The following CACNA2D3 variants were observed in gnomAD, a reference collection of about 807,000 sequenced individuals.
CACNA2D3 encodes the protein voltage-dependent calcium channel subunit alpha-2/delta-3.
CACNA2D3 carries 60 observed loss-of-function variants against 160.6 expected under a neutral mutation model. The ratio of observed to expected loss-of-function variants is 0.37; its 90% CI spans 0.30 to 0.46. CACNA2D3 has a LOEUF of 0.46. Ranked by LOEUF, CACNA2D3 falls within the 20% of genes least tolerant of loss-of-function variation. The pLI is 1.00. For missense variants in CACNA2D3, 1,205 were observed against 1,365.0 expected (o/e 0.88, Z 1.85); for synonymous variants, 558 against 492.9 (o/e 1.13, Z -1.75).
At chr3:54,805,474 C>T (rs1461165148) in intron 13 of CACNA2D3, among the ~76,000 whole-genome samples, 3 of 152,180 alleles carry the variant, frequency 2.0e-5, no homozygotes, top group East Asian at 3.8e-4. Flanking sequence ...AATTCCTCAA[C>T]ACATACACCC....
At chr3:55,023,341 T>C (rs1359087392) in intron 35 of CACNA2D3, among the ~76,000 whole-genome samples, 3 of 152,192 alleles carry the variant, frequency 2.0e-5, no homozygotes, top group Non-Finnish European at 4.4e-5. Context: ...TTTAAACTCA[T>C]ATTCCAGTTC....
chr3:54,870,280 C>A (rs1010317279), intron 17 of CACNA2D3, among the ~76,000 whole-genome samples: 3 of 152,162 alleles, frequency 2.0e-5, no homozygotes, highest in African/African-American at 7.2e-5. Flanking sequence ...AGTATGGCCT[C>A]AGCACCTGTC....
intron 2 of CACNA2D3, among the ~76,000 whole-genome samples, chr3:54,142,911 GA>G (rs1236749897): frequency 3.9e-4 from 59 of 152,272 alleles, no homozygotes; most frequent in Non-Finnish European, 2.9e-5. Context: ...TTGTATCTGT[GA>G]AAATGATTGT....
At chr3:54,984,533 A>G (rs1575421984) in intron 29 of CACNA2D3, 75 bp from the exon 30 acceptor site, 3 of 822,932 alleles carry the variant, frequency 3.6e-6, no homozygotes, top group South Asian at 3.2e-5. Context: ...GAAGTGTGTC[A>G]TTCTGTTTAA....
At chr3:54,609,933 G>A (rs1211663166) in intron 9 of CACNA2D3, among the ~76,000 whole-genome samples, 1 of 152,168 alleles carries the variant, frequency 6.6e-6, no homozygotes, top group African/African-American at 2.4e-5. Flanking sequence ...CAGTTCTGGA[G>A]GCTAGAAGTT....
intron 13 of CACNA2D3, among the ~76,000 whole-genome samples, chr3:54,782,512 T>C (rs1702555343): frequency 6.6e-6 from 1 of 152,128 alleles, no homozygotes; most frequent in African/African-American, 2.4e-5. Context: ...TCTTCCTTCG[T>C]TTTATTTTGG....
intron 25 of CACNA2D3, among the ~76,000 whole-genome samples, chr3:54,894,026 A>G (rs1276102695): frequency 6.6e-6 from 1 of 152,088 alleles, no homozygotes; most frequent in African/African-American, 2.4e-5. Flanking sequence ...CAACCCTGGT[A>G]AAGTGCAGCG....
intron 3 of CACNA2D3, among the ~76,000 whole-genome samples, chr3:54,384,078 T>G (rs1399656467): frequency 6.6e-6 from 1 of 152,210 alleles, no homozygotes; most frequent in Non-Finnish European, 1.5e-5. Context: ...CCTGTTCTCT[T>G]TTTTGTTGGT....
chr3:54,275,039 C>G (rs1053303558), intron 2 of CACNA2D3, among the ~76,000 whole-genome samples: 3 of 152,256 alleles, frequency 2.0e-5, no homozygotes, highest in African/African-American at 7.2e-5. Flanking sequence ...TGGGGTCCAT[C>G]CAAGAAGTTG....
intron 2 of CACNA2D3, among the ~76,000 whole-genome samples, chr3:54,214,433 CT>C (rs904819499): frequency 3.5e-4 from 53 of 152,278 alleles, no homozygotes; most frequent in African/African-American, 1.2e-3. Context: ...GCAGAGGCCC[CT>C]TCTCCCTGGT....
In CACNA2D3 at chr3:54,312,468, T is replaced by A. The variant is rs373608846; in HGVS notation, c.205-7974T>A. On this transcript the variant is annotated intron_variant, in intron 2 of 37. Coordinates refer to ENST00000474759, the MANE Select transcript of CACNA2D3 (RefSeq NM_018398.3). ...AATTAATTCTGATTGGCCAGAAGTC[T>A]CCTGACTGGAGCTCCCTCTCTGGGG... is the stretch of plus-strand genomic sequence containing the variant. Among the ~76,000 whole-genome samples the A allele has an allele frequency of 3.0e-4, 46 of 152,266 alleles. 2 individuals carry two copies. In the South Asian group the frequency reaches 9.3e-3, roughly 31 times the overall value.
intron 29 of CACNA2D3, among the ~76,000 whole-genome samples, chr3:54,977,559 G>C (rs1301702970): frequency 6.6e-6 from 1 of 152,208 alleles, no homozygotes; most frequent in Non-Finnish European, 1.5e-5. Flanking sequence ...TAGGGACTAA[G>C]TTTTAACTAG....
At chr3:54,538,313 A>G (rs949773917) in intron 5 of CACNA2D3, among the ~76,000 whole-genome samples, 2 of 152,192 alleles carry the variant, frequency 1.3e-5, no homozygotes, top group African/African-American at 2.4e-5. Flanking sequence ...CCAGCCTGCT[A>G]TGAATGCCTT....
At chr3:54,674,149 T>C (rs559799026) in intron 11 of CACNA2D3, among the ~76,000 whole-genome samples, 1 of 152,352 alleles carries the variant, frequency 6.6e-6, no homozygotes, top group Non-Finnish European at 1.5e-5. Context: ...AATAACACTC[T>C]AGAATAACTT....
chr3:54,147,501 G>T (rs1700053669), intron 2 of CACNA2D3, among the ~76,000 whole-genome samples: 2 of 152,116 alleles, frequency 1.3e-5, no homozygotes, highest in African/African-American at 4.8e-5. Context: ...CTTTGCTATT[G>T]TCAGTGGTAT....
rs1401592961 is a variant in CACNA2D3, at chr3:54,160,631, C to T, written c.204+37037C>T. Among the ~76,000 whole-genome samples the T allele has an allele frequency of 2.0e-5, 3 of 152,256 alleles. No individual in the cohort carries two copies. The East Asian group carries it at 5.8e-4, about 29-fold the overall frequency. On this transcript the variant is annotated intron_variant, in intron 2 of 37. Transcript: ENST00000474759. Reference sequence around the variant, plus strand: ...TTTAGAAAAGTTTCCTTTAGCTTCACTGCTTGTTACTGGCATTGTCATATA... The same window carrying T: ...TTTAGAAAAGTTTCCTTTAGCTTCATTGCTTGTTACTGGCATTGTCATATA...
chr3:54,522,933 T>TTTATTTATTTACTTACTTAC (rs1252705201), intron 5 of CACNA2D3, among the ~76,000 whole-genome samples: 18 of 135,342 alleles, frequency 1.3e-4, no homozygotes, highest in African/African-American at 4.8e-4. Flanking sequence ...TATTTATTTA[T>TTTATTTATTTACTTACTTAC]TTACTTACTT....
chr3:54,261,095 C>T (rs534801690), intron 2 of CACNA2D3, among the ~76,000 whole-genome samples: 1 of 152,166 alleles, frequency 6.6e-6, no homozygotes, highest in African/African-American at 2.4e-5. Context: ...AGTTTTATTT[C>T]TATTAAGAAT....
intron 31 of CACNA2D3, among the ~76,000 whole-genome samples, chr3:55,002,501 G>C (rs560417122): frequency 1.3e-5 from 2 of 152,212 alleles, no homozygotes; most frequent in African/African-American, 4.8e-5. Flanking sequence ...GACATATCCC[G>C]GTGTCTGGGT....
Sources: allele counts gnomAD v4.1 joint callset (sites outside exome capture counted in the v4.1 genomes callset), GRCh38; gene constraint gnomAD v4.1.1; transcripts MANE v1.5; gene names NCBI Gene and HGNC (gene_info 2026-07-23, HGNC 2026-07-21).